The following MAGI2 variants were observed in gnomAD, a reference collection of about 807,000 sequenced individuals.
The protein encoded by MAGI2 is membrane-associated guanylate kinase, WW and PDZ domain-containing protein 2.
In MAGI2, 35 loss-of-function variants were observed where a neutral mutation model predicts 133.3. That is an observed-to-expected ratio of 0.26 (90% CI 0.20 to 0.35). The LOEUF is 0.35. Ranked by LOEUF, MAGI2 falls within the 10% of genes least tolerant of loss-of-function variation. MAGI2 has a pLI of 1.00. For synonymous variants in MAGI2, 729 were observed against 710.6 expected, an observed-to-expected ratio of 1.03 and a Z score of -0.41; for missense variants, 1,636 against 1,863.4, an observed-to-expected ratio of 0.88 and a Z score of 2.25.
At chr7:79,314,777 T>C (rs1026226943) in intron 1 of MAGI2, among the ~76,000 whole-genome samples, 4 of 152,284 alleles carry the variant, frequency 2.6e-5, no homozygotes, top group African/African-American at 4.8e-5. Flanking sequence ...GTGACTTTTA[T>C]TGGGACATAG....
intron 5 of MAGI2, among the ~76,000 whole-genome samples, chr7:78,496,517 C>T (rs1262556038): frequency 2.0e-5 from 3 of 152,150 alleles, no homozygotes; most frequent in Admixed American, 1.3e-4. Flanking sequence ...AACATTTAGC[C>T]TCTGGAGTAG....
At chr7:78,890,526 T>A (rs868311785) in intron 2 of MAGI2, among the ~76,000 whole-genome samples, 6 of 152,220 alleles carry the variant, frequency 3.9e-5, no homozygotes, top group East Asian at 1.9e-4. Flanking sequence ...TAACAAACTG[T>A]CTCTCAGACC....
At chr7:78,445,363 TCCTGAATTCTTTA>T (rs1483063859) in intron 6 of MAGI2, among the ~76,000 whole-genome samples, 1 of 152,102 alleles carries the variant, frequency 6.6e-6, no homozygotes, top group Non-Finnish European at 1.5e-5. Flanking sequence ...GGATTTTCTA[TCCTGAATTCTTTA>T]TACTGATCCA....
intron 10 of MAGI2, among the ~76,000 whole-genome samples, chr7:78,242,987 G>A (rs1047793515): frequency 6.6e-5 from 10 of 152,016 alleles, no homozygotes; most frequent in African/African-American, 1.9e-4. Context: ...TGGGGGGATC[G>A]CTTGAGCCCA....
chr7:78,469,517 G>C (rs1373258890), intron 6 of MAGI2, among the ~76,000 whole-genome samples: 2 of 152,130 alleles, frequency 1.3e-5, no homozygotes, highest in Non-Finnish European at 2.9e-5. Flanking sequence ...CCATACTAAT[G>C]AGACAGTATT....
chr7:78,909,413 G>T (rs1223382139), intron 2 of MAGI2, among the ~76,000 whole-genome samples: 2 of 145,152 alleles, frequency 1.4e-5, no homozygotes, highest in African/African-American at 2.6e-5. Flanking sequence ...TTAACATGGT[G>T]AAACCCCGTC....
chr7:78,415,344 G>A (rs1404882112), intron 6 of MAGI2, among the ~76,000 whole-genome samples: 2 of 151,970 alleles, frequency 1.3e-5, no homozygotes, highest in African/African-American at 4.8e-5. Context: ...AAATAGGACA[G>A]TCTCCAAAAT....
At chr7:78,823,507 C>T (rs1368595523) in intron 2 of MAGI2, among the ~76,000 whole-genome samples, 31 of 148,268 alleles carry the variant, frequency 2.1e-4, no homozygotes, top group Admixed American at 1.8e-3. Flanking sequence ...GGCGTGAACC[C>T]GGGAGGCGGA....
intron 20 of MAGI2, among the ~76,000 whole-genome samples, chr7:78,106,848 A>C (rs1226511641): frequency 1.3e-5 from 2 of 152,044 alleles, no homozygotes; most frequent in African/African-American, 4.8e-5. Context: ...TTTGTGCAGA[A>C]ACTTTTTAAC....
chr7:78,156,901 G>A lies in MAGI2; in HGVS notation c.2845+3124C>T, dbSNP rs185859997. Among the ~76,000 whole-genome samples, 445 of 152,050 alleles carry A rather than the reference G, an allele frequency of 2.9e-3. 1 individual carries two copies. Among genetic ancestry groups the A allele is most frequent in the Non-Finnish European group, 4.9e-3 (333 of 68,006 alleles). ...AATATGTTAATGATCCTTGGGCTCG[G>A]GTAAGACCTGAAGAGTAAAACAATG... On this transcript the variant is annotated intron_variant, in intron 16 of 21. Transcript: ENST00000354212.
At chr7:78,822,793 C>G (rs1192245708) in intron 2 of MAGI2, among the ~76,000 whole-genome samples, 1 of 152,084 alleles carries the variant, frequency 6.6e-6, no homozygotes, top group Non-Finnish European at 1.5e-5. Flanking sequence ...TGGAGGAATG[C>G]AAATGCTAAG....
At chr7:78,065,265 C>A (rs1000905675) in intron 21 of MAGI2, among the ~76,000 whole-genome samples, 1 of 152,150 alleles carries the variant, frequency 6.6e-6, no homozygotes, top group Non-Finnish European at 1.5e-5. Context: ...TGCACTGAAT[C>A]CCAGGGAGGA....
intron 1 of MAGI2, among the ~76,000 whole-genome samples, chr7:79,327,110 CAACTCTTCTCATCTGTGTGACCTGGGGTA>C (rs1196070253): frequency 3.9e-5 from 6 of 152,116 alleles, no homozygotes; most frequent in African/African-American, 1.4e-4. Context: ...ATCCTGCTTT[CAACTCTTCTCATCTGTGTGACCTGGGGTA>C]AACTGCTGAC....
intron 1 of MAGI2, among the ~76,000 whole-genome samples, chr7:79,201,493 T>A (rs776833568): frequency 6.6e-6 from 1 of 151,964 alleles, no homozygotes. Context: ...GTATATTCCA[T>A]GAATAGTGTT....
chr7:79,359,623 C>T (rs9886304), intron 1 of MAGI2, among the ~76,000 whole-genome samples: 3,178 of 146,550 alleles, frequency 0.022, 100 homozygotes, highest in African/African-American at 0.077. Flanking sequence ...GACGGAAAAG[C>T]CAATTCAAAT....
intron 1 of MAGI2, among the ~76,000 whole-genome samples, chr7:79,035,441 C>T (rs777209192): frequency 6.6e-6 from 1 of 152,146 alleles, no homozygotes; most frequent in Non-Finnish European, 1.5e-5. Flanking sequence ...CCTTATGTCA[C>T]ATAAACATCT....
intron 1 of MAGI2, among the ~76,000 whole-genome samples, chr7:79,259,823 C>A (rs1293517440): frequency 2.6e-5 from 4 of 152,070 alleles, no homozygotes; most frequent in Non-Finnish European, 4.4e-5. Flanking sequence ...ATTGTATTTA[C>A]CCTGTTTAAC....
rs1849417382 is a variant in MAGI2, at chr7:79,453,230, C to G, written c.91G>C (p.Glu31Gln). ...CCATTCTCGGCGCCCCCCTTCAGTT[C>G]AAAGCCCAGCTGGCCCTCCGGGTTC... is the stretch of plus-strand genomic sequence containing the variant. ...GRNPEGQLGFELKGGAENGQF... is the reference protein window; with the variant it reads ...GRNPEGQLGFQLKGGAENGQF... Residue 31 changes from glutamate to glutamine, a missense_variant, in exon 1 of 22, where the codon GAA (glutamate) becomes CAA (glutamine). Physicochemically the swap from Glu to Gln is conservative, Grantham distance 29 (BLOSUM62 2). This residue lies in a region of MAGI2 where 148 missense variants were observed against 239.0 expected (regional missense o/e 0.62). Coordinates refer to ENST00000354212, the MANE Select transcript of MAGI2 (RefSeq NM_012301.4). 6.2e-7 allele frequency: 1 copy of G among 1,613,820 alleles called. No individual in the cohort carries two copies. The highest frequency in any genetic ancestry group is 8.5e-7 in the Non-Finnish European group (1 of 1,180,054).
intron 21 of MAGI2, among the ~76,000 whole-genome samples, chr7:78,021,226 A>G (rs1462827437): frequency 6.6e-6 from 1 of 152,254 alleles, no homozygotes; most frequent in Non-Finnish European, 1.5e-5. Flanking sequence ...TGTAAGAAAT[A>G]TGTCTCATGA....
Sources: gnomAD v4.1 joint callset for allele counts (sites outside exome capture counted in the v4.1 genomes callset) on GRCh38, gnomAD v4.1.1 for gene constraint, gnomAD v4.1.1 regional missense constraint, MANE v1.5 for transcripts, NCBI Gene and HGNC (gene_info 2026-07-23, HGNC 2026-07-21) for gene names.